Variants in DDX10 observed in about 807,000 individuals in gnomAD.
DDX10 encodes the protein DEAD-box helicase 10, also known as probable ATP-dependent RNA helicase DDX10.
In DDX10, 74 loss-of-function variants were observed where a neutral mutation model predicts 104.3. The ratio of observed to expected loss-of-function variants is 0.71; its 90% confidence interval spans 0.59 to 0.86. The LOEUF is 0.86. Among genes scored for constraint, DDX10 ranks in the 40% least tolerant of loss-of-function variants. DDX10 has a pLI of 0.00. For synonymous variants in DDX10, 351 were observed against 353.4 expected, an observed-to-expected ratio of 0.99 and a Z score of 0.08; for missense variants, 952 against 1,040.0, an observed-to-expected ratio of 0.92 and a Z score of 1.16.
Position 108,678,310 on chromosome 11 carries a change from T to C in DDX10, c.538-5T>C, listed in dbSNP as rs760432891. On this transcript the variant is annotated splice_region_variant and splice_polypyrimidine_tract_variant and intron_variant, in intron 4 of 17. Coordinates refer to ENST00000322536, the MANE Select transcript of DDX10 (RefSeq NM_004398.4). ...TGTGTAATCAAAATAAATAACTGTT[T>C]TCAGGATCTAAAACACGAAGCTGAG... 2 of 1,606,906 alleles carry C rather than the reference T, an allele frequency of 1.2e-6. No homozygotes were observed. Among genetic ancestry groups the C allele is most frequent in the Non-Finnish European group, 8.5e-7 (1 of 1,177,628 alleles).
chr11:108,696,627 C>T (rs1591794421), intron 9 of DDX10, among the ~76,000 whole-genome samples: 2 of 152,262 alleles, frequency 1.3e-5, no homozygotes, highest in East Asian at 3.9e-4. Context: ...GCATTCTGTG[C>T]TCCTGTGGGC....
intron 16 of DDX10, among the ~76,000 whole-genome samples, chr11:108,861,556 A>G (rs541808918): frequency 7.2e-5 from 11 of 152,246 alleles, no homozygotes; most frequent in Non-Finnish European, 1.6e-4. Flanking sequence ...AGTAAATACT[A>G]TGATACTCTA....
intron 13 of DDX10, among the ~76,000 whole-genome samples, chr11:108,791,114 A>G (rs1478376538): frequency 6.6e-6 from 1 of 152,216 alleles, no homozygotes; most frequent in African/African-American, 2.4e-5. Context: ...GACTTCCTAG[A>G]CTGAGTCATA....
chr11:108,670,189 A>G (rs1359902896), intron 1 of DDX10, among the ~76,000 whole-genome samples: 1 of 152,198 alleles, frequency 6.6e-6, no homozygotes, highest in Admixed American at 6.5e-5. Flanking sequence ...GAGATCAGGT[A>G]GGAGACTGGA....
chr11:108,932,664 T>A (rs1863988954), intron 17 of DDX10, among the ~76,000 whole-genome samples: 1 of 152,030 alleles, frequency 6.6e-6, no homozygotes, highest in Non-Finnish European at 1.5e-5. Flanking sequence ...ACTTTGTTTC[T>A]TTCCTGGATA....
At chr11:108,856,581 A>G (rs1185192088) in intron 16 of DDX10, among the ~76,000 whole-genome samples, 3 of 152,126 alleles carry the variant, frequency 2.0e-5, no homozygotes, top group Non-Finnish European at 2.9e-5. Flanking sequence ...CTCTGACTCA[A>G]CAGTAGTTTC....
rs554171630 is a variant in DDX10 at position 108,778,473 on chromosome 11, G to A, written c.1965+55011G>A. Among the ~76,000 whole-genome samples, 9 of 152,278 alleles carry A rather than the reference G, an allele frequency of 5.9e-5. No homozygotes were observed. In the South Asian group the frequency reaches 1.7e-3, roughly 28 times the overall value. On this transcript the variant is annotated intron_variant, in intron 13 of 17. Transcript: ENST00000322536. The stretch of plus-strand genomic sequence containing the variant: ...ATTCTCTATTTAATAAATGGTGCTG[G>A]GAAAACTGGCTAGCCATATGTAGAA...
At chr11:108,900,219 A>G (rs1435602597) in intron 16 of DDX10, among the ~76,000 whole-genome samples, 1 of 152,032 alleles carries the variant, frequency 6.6e-6, no homozygotes, top group African/African-American at 2.4e-5. Flanking sequence ...GCTTCCTGAG[A>G]CCTCACTAGT....
chr11:108,731,665 G>A (rs1318687751), intron 13 of DDX10, among the ~76,000 whole-genome samples: 1 of 151,790 alleles, frequency 6.6e-6, no homozygotes, highest in African/African-American at 2.4e-5. Context: ...GCCTCCCAAA[G>A]TTCTGGGATT....
chr11:108,799,295 A>G (rs779300355), intron 13 of DDX10, among the ~76,000 whole-genome samples: 36 of 152,142 alleles, frequency 2.4e-4, no homozygotes, highest in Non-Finnish European at 5.0e-4. Flanking sequence ...TTCACTCGTC[A>G]CTCACTTTCA....
intron 15 of DDX10, among the ~76,000 whole-genome samples, chr11:108,845,186 C>T (rs567888703): frequency 1.3e-5 from 2 of 152,120 alleles, no homozygotes; most frequent in African/African-American, 2.4e-5. Context: ...CCAGCCTGGG[C>T]GACAGAGCCA....
intron 13 of DDX10, among the ~76,000 whole-genome samples, chr11:108,777,894 C>T (rs1187824507): frequency 2.0e-5 from 3 of 152,120 alleles, no homozygotes; most frequent in Admixed American, 6.5e-5. Context: ...TTCCTATACA[C>T]CAATAACAGA....
chr11:108,878,708 G>A (rs1247790466), intron 16 of DDX10, among the ~76,000 whole-genome samples: 2 of 151,904 alleles, frequency 1.3e-5, no homozygotes, highest in African/African-American at 4.8e-5. Flanking sequence ...CTGCTGTGGT[G>A]AATACTTGCC....
At chr11:108,766,927 T>A (rs1485565187) in intron 13 of DDX10, among the ~76,000 whole-genome samples, 3 of 152,322 alleles carry the variant, frequency 2.0e-5, no homozygotes, top group Middle Eastern at 6.8e-3. Flanking sequence ...AGGTTGGCTT[T>A]AAAAGTATGG....
intron 13 of DDX10, among the ~76,000 whole-genome samples, chr11:108,772,872 G>C (rs2094365075): frequency 6.6e-6 from 1 of 152,170 alleles, no homozygotes; most frequent in Non-Finnish European, 1.5e-5. Context: ...CACAAGAATA[G>C]TCCCTCGTGC....
At chr11:108,772,475 T>C (rs549345971) in intron 13 of DDX10, among the ~76,000 whole-genome samples, 2 of 152,256 alleles carry the variant, frequency 1.3e-5, no homozygotes, top group African/African-American at 4.8e-5. Flanking sequence ...CCAAGGAATG[T>C]CTGGAGCCAC....
intron 6 of DDX10, among the ~76,000 whole-genome samples, chr11:108,688,170 G>A (rs867206240): frequency 2.0e-5 from 3 of 152,048 alleles, no homozygotes; most frequent in Non-Finnish European, 2.9e-5. Context: ...CATAAATAAT[G>A]CCATATATTT....
intron 13 of DDX10, among the ~76,000 whole-genome samples, chr11:108,813,554 G>A (rs1030601263): frequency 1.3e-5 from 2 of 151,788 alleles, no homozygotes; most frequent in African/African-American, 2.4e-5. Context: ...ATTTGTTTTG[G>A]GTCATATTTT....
rs181255717 is a variant in DDX10 at position 108,853,755 on chromosome 11, C to G, written c.2304+1546C>G. Among the ~76,000 whole-genome samples the G allele has an allele frequency of 9.1e-4, 138 of 152,262 alleles. 1 individual carries two copies. The highest frequency in any genetic ancestry group is 3.2e-3 in the African/African-American group (135 of 41,554). ...GTGAACTCCTTATGCCAAACTCTTC[C>G]TTCCATTTCCCACTCCCCTTCTGTG... On this transcript the variant is annotated intron_variant, in intron 16 of 17. Coordinates refer to ENST00000322536, the MANE Select transcript of DDX10 (RefSeq NM_004398.4).
Sources: allele counts gnomAD v4.1 joint callset (sites outside exome capture counted in the v4.1 genomes callset), GRCh38; gene constraint gnomAD v4.1.1; transcripts MANE v1.5; gene names NCBI Gene and HGNC (gene_info 2026-07-23, HGNC 2026-07-21).